PLD1: variants seen among roughly 807,000 people sequenced by gnomAD.
The protein encoded by PLD1 is phospholipase D1, also known as choline phosphatase 1.
Under a neutral mutation model 137.1 loss-of-function variants are expected in PLD1, and 112 were observed. The ratio of observed to expected loss-of-function variants is 0.82; its 90% CI spans 0.70 to 0.96. The LOEUF (loss-of-function observed/expected upper bound fraction) is 0.96. Among genes scored for constraint, PLD1 ranks in the 40% least tolerant of loss-of-function variants. The pLI, the probability that PLD1 is intolerant of heterozygous loss-of-function variation, is 0.00. For synonymous variants in PLD1, 431 were observed against 454.7 expected, an observed-to-expected ratio of 0.95 and a Z score of 0.66; for missense variants, 1,321 against 1,342.0, an observed-to-expected ratio of 0.98 and a Z score of 0.24.
intron 6 of PLD1, among the ~76,000 whole-genome samples, chr3:171,730,098 G>A (rs1281751878): frequency 6.6e-6 from 1 of 152,078 alleles, no homozygotes; most frequent in Non-Finnish European, 1.5e-5. Flanking sequence ...TTATTCCTCT[G>A]ATTTTAATTC....
chr3:171,631,070 A>T (rs1000327488), intron 23 of PLD1, among the ~76,000 whole-genome samples: 2 of 151,602 alleles, frequency 1.3e-5, no homozygotes, highest in African/African-American at 2.4e-5. Context: ...TCTGAAATGT[A>T]ATATAAACCA....
chr3:171,634,962 T>C (rs1351913135), intron 23 of PLD1, among the ~76,000 whole-genome samples: 1 of 152,102 alleles, frequency 6.6e-6, no homozygotes. Flanking sequence ...ACCCTATTAT[T>C]CTACCAACTG....
intron 19 of PLD1, among the ~76,000 whole-genome samples, chr3:171,665,448 C>T (rs1247530806): frequency 6.6e-6 from 1 of 152,084 alleles, no homozygotes; most frequent in Admixed American, 6.5e-5. Context: ...ACCTGTAATC[C>T]CAGCACTTTC....
intron 1 of PLD1, chr3:171,789,455 G>A (rs1455506432): frequency 6.6e-6 from 1 of 152,232 alleles, no homozygotes; most frequent in Non-Finnish European, 1.5e-5. Context: ...TCAGAAAGAT[G>A]GCTCTGTAAA....
chr3:171,682,735 G>C (rs1013733276), intron 16 of PLD1, among the ~76,000 whole-genome samples: 67 of 152,100 alleles, frequency 4.4e-4, no homozygotes, highest in African/African-American at 1.3e-3. Flanking sequence ...GGATTGTTCT[G>C]GTTGAAGAGG....
intron 1 of PLD1, among the ~76,000 whole-genome samples, chr3:171,795,697 T>C (rs1445651939): frequency 6.6e-6 from 1 of 152,214 alleles, no homozygotes; most frequent in East Asian, 1.9e-4. Flanking sequence ...ACACATACTC[T>C]TACCCATTTC....
chr3:171,757,926 A>C (rs1721136885), intron 1 of PLD1, among the ~76,000 whole-genome samples: 1 of 152,248 alleles, frequency 6.6e-6, no homozygotes, highest in South Asian at 2.1e-4. Flanking sequence ...CAATATAAGA[A>C]ATAGCCAATG....
chr3:171,609,979 A>G (rs1046964145), intron 25 of PLD1, among the ~76,000 whole-genome samples: 6 of 152,260 alleles, frequency 3.9e-5, no homozygotes, highest in African/African-American at 1.4e-4. Flanking sequence ...TATGAAAAAA[A>G]TTATACATGG....
chr3:171,696,269 T>G (rs1231105231), intron 12 of PLD1, among the ~76,000 whole-genome samples: 3 of 152,204 alleles, frequency 2.0e-5, no homozygotes, highest in African/African-American at 7.2e-5. Context: ...GCATAGCAAG[T>G]GCAGAACTGT....
chr3:171,691,232 T>C (rs1342400065), intron 13 of PLD1, among the ~76,000 whole-genome samples: 1 of 152,204 alleles, frequency 6.6e-6, no homozygotes, highest in Non-Finnish European at 1.5e-5. Flanking sequence ...AGATACCATA[T>C]AGTTGGATCA....
At chr3:171,675,384 T>C (rs1713244116) in intron 18 of PLD1, among the ~76,000 whole-genome samples, 2 of 152,216 alleles carry the variant, frequency 1.3e-5, no homozygotes, top group Admixed American at 1.3e-4. Context: ...CTAATTTTAT[T>C]TGAATTATTA....
chr3:171,769,891 C>T (rs557909655), intron 1 of PLD1, among the ~76,000 whole-genome samples: 1 of 152,198 alleles, frequency 6.6e-6, no homozygotes, highest in African/African-American at 2.4e-5. Context: ...AGCATATTAG[C>T]ATATTTAAAA....
rs374165156 is a variant in PLD1 at position 171,699,805 on chromosome 3, C to G, written c.1167G>C (p.Leu389=). ...GATTTCCCTCAACCACTGGGCGTTT[C>G]AGGAAGATTTCTGGACTCAGCCTGA... ...TDWWLSPEIF[L]KRPVVEGNRW... Residue 389 remains leucine, a synonymous_variant, in exon 12 of 27, where the codon CTG becomes CTC. Transcript: ENST00000351298. 1.2e-6 allele frequency: 2 copies of G among 1,613,784 alleles called. No individual in the cohort carries two copies. The highest frequency in any genetic ancestry group is 1.7e-6 in the Non-Finnish European group (2 of 1,179,818).
chr3:171,668,600 CCTTT>C (rs1215902250), intron 19 of PLD1, among the ~76,000 whole-genome samples: 5 of 151,690 alleles, frequency 3.3e-5, no homozygotes, highest in Non-Finnish European at 5.9e-5. Context: ...TTTCTTCCTT[CCTTT>C]CTTTGTTCCT....
At chr3:171,763,830 CTTTTTTT>C (rs71178234) in intron 1 of PLD1, among the ~76,000 whole-genome samples, 1 of 86,738 alleles carries the variant, frequency 1.2e-5, no homozygotes, top group African/African-American at 4.4e-5. Context: ...TTCTTTCTTT[CTTTTTTT>C]TTTTTTTTTT....
intron 21 of PLD1, among the ~76,000 whole-genome samples, chr3:171,657,095 G>A (rs938412889): frequency 6.6e-6 from 1 of 152,170 alleles, no homozygotes; most frequent in African/African-American, 2.4e-5. Context: ...GCCTATTGTG[G>A]TTAGTGGCCT....
At position 171,612,015 on chromosome 3, in the gene PLD1, A is replaced by G. The variant is rs1191005240; in HGVS notation, c.2882+264T>C. On this transcript the variant is annotated intron_variant, in intron 25 of 26. Transcript: ENST00000351298. The surrounding 1 kb of genome is among the most constrained non-coding windows in gnomAD (Gnocchi z 4.1). ...GAGGATTGCTTGAGCCTAGGAATTC[A>G]AGGATGCAATGAGCTGTAACTGCAC... Among the ~76,000 whole-genome samples the G allele has an allele frequency of 1.3e-5, 2 of 152,192 alleles. No individual in the cohort carries two copies. The highest frequency in any genetic ancestry group is 4.8e-5 in the African/African-American group (2 of 41,450).
In PLD1 at chr3:171,620,748, A is replaced by C. The variant is rs868080284; in HGVS notation, c.2594-228T>G. On this transcript the variant is annotated intron_variant, in intron 23 of 26. Coordinates refer to ENST00000351298, the MANE Select transcript of PLD1 (RefSeq NM_002662.5). Reference sequence around the variant, plus strand: ...TCTCTCTCTCTCTCTCTCTCTATATATATATATATATATATATATATTATA... The same window carrying C: ...TCTCTCTCTCTCTCTCTCTCTATATCTATATATATATATATATATATTATA... Among the ~76,000 whole-genome samples the C allele has an allele frequency of 0.14, 15,645 of 111,352 alleles. 1,021 individuals are homozygous for C. Among genetic ancestry groups the C allele is most frequent in the Non-Finnish European group, 0.17 (9,535 of 55,244 alleles). The allele number at this position is 111,352 out of a possible 152,430, so 73.1% of individuals were successfully genotyped here. A position where few individuals can be genotyped will look rare whatever the true frequency, so the allele number is the denominator to read the frequency against.
In PLD1 at chr3:171,699,836, T is replaced by C. The variant is rs1029260775; in HGVS notation, c.1146-10A>G. On this transcript the variant is annotated splice_polypyrimidine_tract_variant and intron_variant, in intron 11 of 26. Coordinates refer to ENST00000351298, the MANE Select transcript of PLD1 (RefSeq NM_002662.5). Reference sequence around the variant, plus strand: ...GATTTCTGGACTCAGCCTGAAACAATGAAACCAAGATTTTAAGTAACTAAA... The same window carrying C: ...GATTTCTGGACTCAGCCTGAAACAACGAAACCAAGATTTTAAGTAACTAAA... 1.2e-6 allele frequency: 2 copies of C among 1,607,748 alleles called. No individual in the cohort carries two copies. The highest frequency in any genetic ancestry group is 2.7e-5 in the African/African-American group (2 of 74,854).
Sources: gnomAD v4.1 joint callset for allele counts (sites outside exome capture counted in the v4.1 genomes callset) on GRCh38, gnomAD v4.1.1 for gene constraint, Gnocchi (gnomAD v3.1) non-coding constraint, MANE v1.5 for transcripts, NCBI Gene and HGNC (gene_info 2026-07-23, HGNC 2026-07-21) for gene names.